FAIM2: variants seen among roughly 807,000 people sequenced by gnomAD.
FAIM2 encodes the protein Fas apoptotic inhibitory molecule 2, also known as protein lifeguard 2.
Under a neutral mutation model 47.4 loss-of-function variants are expected in FAIM2, and 27 were observed. That is an observed-to-expected ratio of 0.57 (90% confidence interval 0.42 to 0.78). The LOEUF (loss-of-function observed/expected upper bound fraction) is 0.78. Among genes scored for constraint, FAIM2 ranks in the 30% least tolerant of loss-of-function variants. The pLI is 0.00. For missense variants in FAIM2, 311 were observed against 389.4 expected, an observed-to-expected ratio of 0.80 and a Z score of 1.69; for synonymous variants, 156 against 159.3, an observed-to-expected ratio of 0.98 and a Z score of 0.16.
intron 11 of FAIM2, among the ~76,000 whole-genome samples, chr12:49,880,374 A>G (rs545767492): frequency 6.9e-6 from 1 of 144,284 alleles, no homozygotes; most frequent in East Asian, 2.1e-4. Context: ...GTGCATGTGT[A>G]TGTGTGTCTA....
rs368863631 is a variant in FAIM2 at position 49,903,858 on chromosome 12, T to C, written c.-66A>G. The C allele has an allele frequency of 8.3e-4, 1,210 of 1,462,446 alleles. 7 individuals are homozygous for C. In the African/African-American group the frequency reaches 0.014, roughly 17 times the overall value. 90.6% of individuals were successfully genotyped at this position (1,462,446 alleles called of 1,614,324 possible). ...GCCGCTTGGGTAACCGCAGCCTGCC[T>C]GCGTCTCTTCCTTCCTCCGCGTGGG... On this transcript the variant is annotated 5_prime_UTR_variant, in exon 1 of 12. Coordinates refer to ENST00000320634, the MANE Select transcript of FAIM2 (RefSeq NM_012306.4).
At chr12:49,902,313 G>A (rs73293480) in intron 1 of FAIM2, 10,925 of 152,284 alleles carry the variant, frequency 0.072, 455 homozygotes, top group Non-Finnish European at 0.095. Context: ...CAAAAAGCCC[G>A]GCTCTCAGAA....
rs766952599 is a variant in FAIM2, at chr12:49,889,109, A to G, written c.745T>C (p.Tyr249His). The change falls in exon 10 of 12, where the codon TAT becomes CAT. Residue 249 changes from tyrosine (Y) to histidine (H), a missense_variant and splice_region_variant. Coordinates refer to ENST00000320634, the MANE Select transcript of FAIM2 (RefSeq NM_012306.4). ...LILAILLPFQ[Y>H]VPWLHAVYAA... Reference sequence around the variant, plus strand: ...TGCTGGGGGACCCAGAGACTCACATATTGGAAGGGTAGGAGGATGGCCAGG... The same window carrying G: ...TGCTGGGGGACCCAGAGACTCACATGTTGGAAGGGTAGGAGGATGGCCAGG... 7 of 1,606,824 alleles carry G rather than the reference A, an allele frequency of 4.4e-6. No individual in the cohort carries two copies. Among genetic ancestry groups the G allele is most frequent in the Non-Finnish European group, 5.1e-6 (6 of 1,175,972 alleles).
intron 11 of FAIM2, among the ~76,000 whole-genome samples, chr12:49,884,616 A>G (rs1316284572): frequency 1.3e-5 from 2 of 152,214 alleles, no homozygotes; most frequent in Admixed American, 6.5e-5. Flanking sequence ...GGCACTGGAA[A>G]TGGCACCAGG....
chr12:49,903,397 AG>A (rs1946994610), intron 1 of FAIM2, among the ~76,000 whole-genome samples: 1 of 152,182 alleles, frequency 6.6e-6, no homozygotes, highest in South Asian at 2.1e-4. Flanking sequence ...GTTGGGCCAG[AG>A]GGGGTTGCCC....
At chr12:49,888,994 G>T in intron 10 of FAIM2, 113 bp downstream of exon 10, 1 of 763,134 alleles carries the variant, frequency 1.3e-6, no homozygotes, top group Admixed American at 2.0e-5. Context: ...AGGATGGCAG[G>T]CTGTGGGGCC....
chr12:49,878,907 CGT>C (rs1946772228), intron 11 of FAIM2, among the ~76,000 whole-genome samples: 1 of 120,072 alleles, frequency 8.3e-6, no homozygotes, highest in Non-Finnish European at 1.7e-5. Flanking sequence ...CATGTGTATG[CGT>C]GTGAGTGCAT....
Position 49,870,457 on chromosome 12 carries a change from C to G in FAIM2, c.*47G>C, listed in dbSNP as rs752224381. On this transcript the variant is annotated 3_prime_UTR_variant, in exon 12 of 12. Coordinates refer to ENST00000320634, the MANE Select transcript of FAIM2 (RefSeq NM_012306.4). ...AGGAGCGCAGGGGAGGGACAGGGAA[C>G]CAGGAGGGGCGCATTCTCTGGAGGA... 7 of 1,579,488 alleles carry G rather than the reference C, an allele frequency of 4.4e-6. No individual in the cohort carries two copies. The Admixed American group carries it at 8.6e-5, about 19-fold the overall frequency.
chr12:49,896,732 G>T (rs889712934), intron 5 of FAIM2, among the ~76,000 whole-genome samples: 2 of 152,188 alleles, frequency 1.3e-5, no homozygotes, highest in East Asian at 1.9e-4. Context: ...CTTCCTCTTA[G>T]GACCGAGGTC....
At chr12:49,873,524 C>T (rs1946716509) in intron 11 of FAIM2, among the ~76,000 whole-genome samples, 1 of 152,094 alleles carries the variant, frequency 6.6e-6, no homozygotes, top group South Asian at 2.1e-4. Flanking sequence ...TCTGGCTGTT[C>T]AATCAGTAGC....
intron 2 of FAIM2, among the ~76,000 whole-genome samples, chr12:49,898,494 A>G (rs372650984): frequency 8.1e-4 from 123 of 152,228 alleles, no homozygotes; most frequent in Admixed American, 1.4e-3. Context: ...AGCAGCAAAG[A>G]TCCTGACCCT....
chr12:49,869,017 GGA>G lies in FAIM2; in HGVS notation c.*1485_*1486del, dbSNP rs1473837188. ...AGGCAGACGGAGCTCCCAGCACAGG[GGA>G]GAGAGAAGAGGAGGAGGGCGAAGCC... On this transcript the variant is annotated 3_prime_UTR_variant, in exon 12 of 12. Coordinates refer to ENST00000320634, the MANE Select transcript of FAIM2 (RefSeq NM_012306.4). 2 of 152,576 alleles carry G rather than the reference GGA, an allele frequency of 1.3e-5. No individual in the cohort carries two copies. The highest frequency in any genetic ancestry group is 2.9e-5 in the Non-Finnish European group (2 of 68,306). 9.5% of individuals were successfully genotyped at this position (152,576 alleles called of 1,614,324 possible).
At chr12:49,879,690 GTC>G (rs576249497) in intron 11 of FAIM2, among the ~76,000 whole-genome samples, 1,888 of 96,604 alleles carry the variant, frequency 0.02, 35 homozygotes, top group African/African-American at 0.077. Context: ...GTGTATCTGT[GTC>G]TGTGTGCATG....
intron 11 of FAIM2, among the ~76,000 whole-genome samples, chr12:49,885,403 C>T (rs546969397): frequency 2.0e-5 from 3 of 152,322 alleles, no homozygotes; most frequent in South Asian, 4.1e-4. Flanking sequence ...GGCCTCCAGG[C>T]GCTGTTGCCC....
chr12:49,897,442 G>C (rs1010535486), intron 4 of FAIM2, 77 bp downstream of exon 4: 1 of 1,353,268 alleles, frequency 7.4e-7, no homozygotes, highest in South Asian at 1.2e-5. Flanking sequence ...TCCAGCAGGA[G>C]TCTGATCATG....
intron 1 of FAIM2, among the ~76,000 whole-genome samples, chr12:49,903,505 C>A (rs1452977393): frequency 1.3e-5 from 2 of 152,214 alleles, no homozygotes; most frequent in African/African-American, 4.8e-5. Flanking sequence ...TCACGGGGGG[C>A]CTGGGTATCT....
intron 2 of FAIM2, among the ~76,000 whole-genome samples, chr12:49,898,892 G>A (rs1192178116): frequency 3.3e-5 from 5 of 151,996 alleles, no homozygotes; most frequent in Admixed American, 6.6e-5. Flanking sequence ...GTGGTGGACC[G>A]CTGGTACTCC....
chr12:49,882,761 T>C (rs1946835090), intron 11 of FAIM2, among the ~76,000 whole-genome samples: 1 of 152,160 alleles, frequency 6.6e-6, no homozygotes, highest in African/African-American at 2.4e-5. Context: ...GCCACACCTC[T>C]TGGGGATCTG....
chr12:49,897,464 T>C, intron 4 of FAIM2, 55 bp downstream of exon 4: 1 of 1,537,136 alleles, frequency 6.5e-7, no homozygotes, highest in Middle Eastern at 1.7e-4. Context: ...GTTCCCCGGC[T>C]CCAGGCCTGG....
Sources: gnomAD v4.1 joint callset for allele counts (sites outside exome capture counted in the v4.1 genomes callset) on GRCh38, gnomAD v4.1.1 for gene constraint, MANE v1.5 for transcripts, NCBI Gene and HGNC (gene_info 2026-07-23, HGNC 2026-07-21) for gene names.